Variants in SLC38A1 observed in about 807,000 individuals in gnomAD.
The protein encoded by SLC38A1 is solute carrier family 38 member 1, also known as sodium-coupled neutral amino acid symporter 1.
Under a neutral mutation model 60.3 loss-of-function variants are expected in SLC38A1, and 18 were observed. The ratio of observed to expected loss-of-function variants is 0.30; its 90% CI spans 0.21 to 0.44. SLC38A1 has a LOEUF of 0.44. SLC38A1 is among the 20% of genes least tolerant of loss of function. The probability of loss-of-function intolerance (pLI) is 1.00; values close to 1 mark genes in which losing one functional copy is unlikely to be tolerated. For missense variants in SLC38A1, 448 were observed against 587.2 expected (o/e 0.76, Z 2.45); for synonymous variants, 196 against 212.1 (o/e 0.92, Z 0.66).
chr12:46,268,862 T>TA lies in SLC38A1; in HGVS notation c.-546dup, dbSNP rs779277178. The TA allele has an allele frequency of 2.6e-5, 12 of 455,460 alleles. No homozygotes were observed. Among genetic ancestry groups the TA allele is most frequent in the South Asian group, 1.6e-4 (10 of 64,420 alleles). 28.2% of individuals were successfully genotyped at this position (455,460 alleles called of 1,614,324 possible). On this transcript the variant is annotated 5_prime_UTR_variant, in exon 1 of 17. An upstream open reading frame in the 5' UTR loses its in-frame stop. Transcript: ENST00000398637. This position sits in a 1 kb window ranked among gnomAD's most constrained non-coding sequence, Gnocchi z 4.4. Reference sequence around the variant, plus strand: ...ACACTCTGCTCGCCGGCCTCGCACTTACATCGACATGCACCGGCGCTGAGG... The same window carrying TA: ...ACACTCTGCTCGCCGGCCTCGCACTTAACATCGACATGCACCGGCGCTGAGG...
intron 1 of SLC38A1, among the ~76,000 whole-genome samples, chr12:46,260,689 C>T (rs894191832): frequency 6.6e-6 from 1 of 152,136 alleles, no homozygotes; most frequent in Non-Finnish European, 1.5e-5. Flanking sequence ...TATAATGCAC[C>T]TTCTCCTTGT....
intron 3 of SLC38A1, among the ~76,000 whole-genome samples, chr12:46,230,310 G>A (rs547488147): frequency 6.6e-6 from 1 of 152,310 alleles, no homozygotes; most frequent in East Asian, 1.9e-4. Flanking sequence ...GAGGCTACAG[G>A]AGTTCAGACT....
chr12:46,255,434 T>A lies in SLC38A1; in HGVS notation c.-208-12120A>T, dbSNP rs909157375. On this transcript the variant is annotated intron_variant, in intron 1 of 16. Transcript: ENST00000398637. ...CCTTTAGTTTTAGCCAATGTCCACA[T>A]ACAGAATCCTTTTTTACAAGATTAG... is the stretch of plus-strand genomic sequence containing the variant. Among the ~76,000 whole-genome samples, 4 of 152,214 alleles carry A rather than the reference T, an allele frequency of 2.6e-5. No homozygotes were observed. The East Asian group carries it at 7.7e-4, about 29-fold the overall frequency.
intron 3 of SLC38A1, among the ~76,000 whole-genome samples, chr12:46,232,840 C>T (rs1236323197): frequency 6.6e-6 from 1 of 152,104 alleles, no homozygotes; most frequent in Non-Finnish European, 1.5e-5. Context: ...ACTTATAATA[C>T]CTAATACAAA....
At chr12:46,256,754 A>T (rs772178809) in intron 1 of SLC38A1, among the ~76,000 whole-genome samples, 21 of 152,180 alleles carry the variant, frequency 1.4e-4, no homozygotes, top group Non-Finnish European at 2.9e-4. Flanking sequence ...GCTGCATCAC[A>T]GCCCTGGGGG....
intron 1 of SLC38A1, among the ~76,000 whole-genome samples, chr12:46,251,970 C>T (rs1941858450): frequency 6.6e-6 from 1 of 152,122 alleles, no homozygotes; most frequent in Non-Finnish European, 1.5e-5. Flanking sequence ...CCATTTGACC[C>T]AGCAATCCCA....
intron 5 of SLC38A1, among the ~76,000 whole-genome samples, chr12:46,218,284 TCTC>T (rs150309465): frequency 0.013 from 1,979 of 152,072 alleles, 20 homozygotes; most frequent in Non-Finnish European, 0.022. Flanking sequence ...TCGTTTCCCT[TCTC>T]CTCAAACCTA....
intron 2 of SLC38A1, among the ~76,000 whole-genome samples, chr12:46,242,805 A>AAAAT (rs960770694): frequency 2.5e-4 from 38 of 152,282 alleles, no homozygotes; most frequent in African/African-American, 8.9e-4. Flanking sequence ...CTGTCTCAAA[A>AAAAT]AAATAAATAA....
chr12:46,243,127 A>G (rs1941501602), intron 2 of SLC38A1, 73 bp downstream of exon 2: 1 of 151,768 alleles, frequency 6.6e-6, no homozygotes, highest in African/African-American at 2.4e-5. Flanking sequence ...ATTAACTAAT[A>G]TAGGTTTGGT....
intron 5 of SLC38A1, among the ~76,000 whole-genome samples, chr12:46,210,259 T>G (rs1488538931): frequency 6.6e-6 from 1 of 152,180 alleles, no homozygotes; most frequent in African/African-American, 2.4e-5. Flanking sequence ...CAGTGTTTTG[T>G]TTCTCCTGCA....
At chr12:46,230,839 C>T (rs1048739500) in intron 3 of SLC38A1, among the ~76,000 whole-genome samples, 8 of 152,164 alleles carry the variant, frequency 5.3e-5, no homozygotes, top group Non-Finnish European at 1.2e-4. Context: ...AATGCTTATA[C>T]ACCATTGGTG....
chr12:46,189,175 C>T, intron 16 of SLC38A1, 104 bp from the exon 17 acceptor site: 1 of 751,542 alleles, frequency 1.3e-6, no homozygotes, highest in Non-Finnish European at 2.3e-6. Context: ...TTTGTGTCCT[C>T]TGGTATTCAG....
chr12:46,247,479 T>C (rs183310924), intron 1 of SLC38A1, among the ~76,000 whole-genome samples: 4 of 152,142 alleles, frequency 2.6e-5, no homozygotes, highest in Non-Finnish European at 4.4e-5. Context: ...AAGAGAAGTT[T>C]AGAGGAAAAA....
At chr12:46,233,938 C>G (rs1941165367) in intron 3 of SLC38A1, among the ~76,000 whole-genome samples, 1 of 152,214 alleles carries the variant, frequency 6.6e-6, no homozygotes, top group Non-Finnish European at 1.5e-5. Context: ...CTTAGCTCCC[C>G]CTGCTCCTCC....
At chr12:46,267,296 T>C (rs1045001365) in intron 1 of SLC38A1, 1 of 152,234 alleles carries the variant, frequency 6.6e-6, no homozygotes, top group African/African-American at 2.4e-5. Context: ...AGAAAGTACG[T>C]GATCCTGGCG....
intron 5 of SLC38A1, among the ~76,000 whole-genome samples, chr12:46,226,676 C>T (rs1940878307): frequency 1.4e-5 from 2 of 146,430 alleles, no homozygotes; most frequent in South Asian, 4.3e-4. Context: ...CCAGGTTGGA[C>T]ACAATCTCGG....
intron 2 of SLC38A1, among the ~76,000 whole-genome samples, chr12:46,242,738 G>T (rs2138371028): frequency 6.6e-6 from 1 of 152,300 alleles, no homozygotes; most frequent in East Asian, 1.9e-4. Flanking sequence ...GGAGGTCAAA[G>T]CTCCACTGAA....
intron 1 of SLC38A1, among the ~76,000 whole-genome samples, chr12:46,248,962 C>G (rs1941726565): frequency 6.6e-6 from 1 of 152,012 alleles, no homozygotes; most frequent in South Asian, 2.1e-4. Flanking sequence ...CAAGACCATC[C>G]TGGCTAACAC....
chr12:46,229,383 C>A, intron 4 of SLC38A1, 115 bp from the exon 5 acceptor site: 3 of 836,342 alleles, frequency 3.6e-6, no homozygotes, highest in Admixed American at 5.0e-5. Flanking sequence ...TCAAGAAAAT[C>A]CATTCTTAGT....
Sources: gnomAD v4.1 joint callset for allele counts (sites outside exome capture counted in the v4.1 genomes callset) on GRCh38, gnomAD v4.1.1 for gene constraint, Gnocchi (gnomAD v3.1) non-coding constraint, MANE v1.5 for transcripts, NCBI Gene and HGNC (gene_info 2026-07-23, HGNC 2026-07-21) for gene names.